Variants in AGBL4 observed in about 807,000 individuals in gnomAD.
AGBL4 encodes the protein AGBL carboxypeptidase 4, also known as cytosolic carboxypeptidase 6.
In AGBL4, 58 loss-of-function variants were observed where a neutral mutation model predicts 66.4. That is an observed-to-expected ratio of 0.87 (90% CI 0.71 to 1.09). The LOEUF (loss-of-function observed/expected upper bound fraction) is 1.09, where lower values mean the gene tolerates loss of function less well. Ranked by LOEUF, AGBL4 falls within the 50% of genes least tolerant of loss-of-function variation. The pLI is 0.00. For synonymous variants in AGBL4, 234 were observed against 222.9 expected, an observed-to-expected ratio of 1.05 and a Z score of -0.44; for missense variants, 579 against 631.0, an observed-to-expected ratio of 0.92 and a Z score of 0.88.
At chr1:49,107,690 T>TGA (rs1396823757) in intron 4 of AGBL4, among the ~76,000 whole-genome samples, 2,291 of 106,638 alleles carry the variant, frequency 0.021, 32 homozygotes, top group Admixed American at 0.048. Flanking sequence ...TGTGTGTGTG[T>TGA]GTGTGAGAGA....
chr1:49,943,740 C>A (rs1213641779), intron 1 of AGBL4, among the ~76,000 whole-genome samples: 5 of 151,428 alleles, frequency 3.3e-5, no homozygotes, highest in Non-Finnish European at 7.4e-5. Context: ...AAAAAACCTC[C>A]AGCAGAACTT....
chr1:49,652,402 C>G (rs1435890646), intron 3 of AGBL4, among the ~76,000 whole-genome samples: 1 of 152,132 alleles, frequency 6.6e-6, no homozygotes, highest in Non-Finnish European at 1.5e-5. Flanking sequence ...TCCCACAGAT[C>G]CTTGCAACCC....
At chr1:49,834,357 A>T (rs1241680292) in intron 2 of AGBL4, among the ~76,000 whole-genome samples, 2 of 152,168 alleles carry the variant, frequency 1.3e-5, no homozygotes, top group African/African-American at 4.8e-5. Flanking sequence ...TAGATATTCT[A>T]ATTTATTTGC....
intron 3 of AGBL4, among the ~76,000 whole-genome samples, chr1:49,646,683 T>C (rs773970782): frequency 9.9e-5 from 15 of 151,966 alleles, no homozygotes; most frequent in Non-Finnish European, 1.6e-4. Flanking sequence ...GAGCTGATTA[T>C]AAAATTCATA....
chr1:48,827,303 G>A (rs898280652), intron 6 of AGBL4, among the ~76,000 whole-genome samples: 6 of 152,182 alleles, frequency 3.9e-5, no homozygotes, highest in Admixed American at 3.9e-4. Context: ...TGAAGCAAAT[G>A]AAAGAGGAGT....
chr1:48,573,601 CAGAGATTTCT>C (rs1461635432), intron 11 of AGBL4, among the ~76,000 whole-genome samples: 2 of 152,114 alleles, frequency 1.3e-5, no homozygotes, highest in Non-Finnish European at 2.9e-5. Context: ...CACGTGAGGA[CAGAGATTTCT>C]ATTGGGGTAT....
chr1:49,113,510 C>G (rs545949964), intron 4 of AGBL4, among the ~76,000 whole-genome samples: 1 of 152,262 alleles, frequency 6.6e-6, no homozygotes, highest in East Asian at 1.9e-4. Context: ...GCCTCAGCCT[C>G]CCAAAGAGCT....
intron 3 of AGBL4, among the ~76,000 whole-genome samples, chr1:49,553,407 A>G (rs913756346): frequency 1.3e-5 from 2 of 152,238 alleles, no homozygotes; most frequent in African/African-American, 4.8e-5. Flanking sequence ...ATTTCTTATA[A>G]TAAAATGACA....
chr1:48,670,774 C>A (rs1483664839), intron 6 of AGBL4, among the ~76,000 whole-genome samples: 1 of 152,236 alleles, frequency 6.6e-6, no homozygotes, highest in African/African-American at 2.4e-5. Context: ...CTACAAACAC[C>A]TCCAGAAAGG....
chr1:48,864,305 C>T (rs1647781599), intron 6 of AGBL4, among the ~76,000 whole-genome samples: 1 of 152,106 alleles, frequency 6.6e-6, no homozygotes, highest in Admixed American at 6.6e-5. Context: ...GTTAAGGCTG[C>T]AGAGGAATGA....
chr1:49,361,219 T>G (rs1644128460), intron 3 of AGBL4, among the ~76,000 whole-genome samples: 2 of 152,230 alleles, frequency 1.3e-5, no homozygotes, highest in African/African-American at 4.8e-5. Flanking sequence ...TGCAATGATA[T>G]TTAAAAAGCT....
intron 6 of AGBL4, among the ~76,000 whole-genome samples, chr1:48,699,999 A>G (rs6699147): frequency 0.056 from 8,481 of 152,036 alleles, 790 homozygotes; most frequent in African/African-American, 0.19. Context: ...TCTCAAACTC[A>G]AACTCCTTGG....
At chr1:48,811,957 G>A (rs1646061352) in intron 6 of AGBL4, among the ~76,000 whole-genome samples, 1 of 152,228 alleles carries the variant, frequency 6.6e-6, no homozygotes, top group African/African-American at 2.4e-5. Context: ...CTTACACAGG[G>A]ATTGGGTAAC....
chr1:49,876,165 G>A (rs1433890990), intron 1 of AGBL4, among the ~76,000 whole-genome samples: 2,475 of 146,466 alleles, frequency 0.017, 49 homozygotes, highest in African/African-American at 0.048. Flanking sequence ...AGTTTAATTA[G>A]ATCCCATTTG....
At chr1:49,856,006 G>A (rs753329108) in intron 1 of AGBL4, among the ~76,000 whole-genome samples, 40 of 150,260 alleles carry the variant, frequency 2.7e-4, no homozygotes, top group Non-Finnish European at 4.3e-4. Context: ...CTAGCTAAAC[G>A]ATACAAAGAG....
At chr1:48,983,267 A>C (rs1659921459) in intron 5 of AGBL4, among the ~76,000 whole-genome samples, 1 of 152,178 alleles carries the variant, frequency 6.6e-6, no homozygotes, top group Non-Finnish European at 1.5e-5. Flanking sequence ...ATGGGTAAAC[A>C]ATGGTGCAGG....
chr1:48,646,513 A>ATGTGTGTGTGTG (rs61233999), intron 8 of AGBL4, among the ~76,000 whole-genome samples: 3,277 of 131,466 alleles, frequency 0.025, 101 homozygotes, highest in South Asian at 0.029. Flanking sequence ...ACCAGTTATA[A>ATGTGTGTGTGTG]TGTGTGTGTG....
At chr1:49,990,199 T>A (rs1403861426) in intron 1 of AGBL4, among the ~76,000 whole-genome samples, 1 of 152,228 alleles carries the variant, frequency 6.6e-6, no homozygotes. Context: ...GTAATACCAA[T>A]GTAAAGATGG....
intron 6 of AGBL4, among the ~76,000 whole-genome samples, chr1:48,849,999 A>C (rs985962488): frequency 1.3e-5 from 2 of 152,186 alleles, no homozygotes; most frequent in Non-Finnish European, 2.9e-5. Context: ...TAAGAAAATA[A>C]AAAATAAAAC....
Sources: gnomAD v4.1 joint callset for allele counts (sites outside exome capture counted in the v4.1 genomes callset) on GRCh38, gnomAD v4.1.1 for gene constraint, MANE v1.5 for transcripts, NCBI Gene and HGNC (gene_info 2026-07-23, HGNC 2026-07-21) for gene names.